FARP1: variants seen among roughly 807,000 people sequenced by gnomAD.
FARP1 encodes the protein FERM, ARH/RhoGEF and pleckstrin domain protein 1.
In FARP1, 52 loss-of-function variants were observed where a neutral mutation model predicts 128.8. The observed-to-expected ratio is 0.40, with a 90% CI of 0.32 to 0.51. The LOEUF is 0.51. Among genes scored for constraint, FARP1 ranks in the 20% least tolerant of loss-of-function variants. FARP1 has a pLI of 0.45. For synonymous variants in FARP1, 580 were observed against 551.8 expected, an observed-to-expected ratio of 1.05 and a Z score of -0.72; for missense variants, 1,333 against 1,367.9, an observed-to-expected ratio of 0.97 and a Z score of 0.40.
At chr13:98,372,085 T>TTTC (rs1555341303) in intron 5 of FARP1, among the ~76,000 whole-genome samples, 1 of 141,152 alleles carries the variant, frequency 7.1e-6, no homozygotes, top group African/African-American at 2.6e-5. Flanking sequence ...GTTTTTCTTT[T>TTTC]TTTTTTTTTT....
chr13:98,211,461 T>C (rs922809311), intron 1 of FARP1, among the ~76,000 whole-genome samples: 1 of 152,254 alleles, frequency 6.6e-6, no homozygotes, highest in Non-Finnish European at 1.5e-5. Context: ...GTGGAAAAAC[T>C]GTCTTCCACA....
At chr13:98,444,578 C>T (rs1355301159) in intron 24 of FARP1, among the ~76,000 whole-genome samples, 1 of 151,790 alleles carries the variant, frequency 6.6e-6, no homozygotes, top group Non-Finnish European at 1.5e-5. Context: ...CCAGGATGGA[C>T]CCGACACAGG....
At chr13:98,278,401 G>A (rs1034461455) in intron 2 of FARP1, among the ~76,000 whole-genome samples, 6 of 152,098 alleles carry the variant, frequency 3.9e-5, no homozygotes, top group African/African-American at 1.4e-4. Flanking sequence ...GCATATGTGT[G>A]TGAGTGTGCT....
intron 2 of FARP1, among the ~76,000 whole-genome samples, chr13:98,252,668 T>C (rs1265749015): frequency 6.6e-6 from 1 of 152,230 alleles, no homozygotes; most frequent in Non-Finnish European, 1.5e-5. Context: ...TTTAAACATT[T>C]ATTGAAGACC....
intron 13 of FARP1, chr13:98,404,004 CCACCACCACCACCAT>C (rs1420354893): frequency 6.6e-6 from 1 of 151,696 alleles, no homozygotes; most frequent in East Asian, 1.9e-4. Flanking sequence ...GCCTCCACCA[CCACCACCACCACCAT>C]CACCACCACC....
At chr13:98,211,485 G>A (rs559897497) in intron 1 of FARP1, among the ~76,000 whole-genome samples, 1 of 152,324 alleles carries the variant, frequency 6.6e-6, no homozygotes, top group African/African-American at 2.4e-5. Context: ...CAAGTCCCTG[G>A]TGCCACAAAG....
At chr13:98,314,755 C>T (rs191027196) in intron 2 of FARP1, among the ~76,000 whole-genome samples, 149 of 152,286 alleles carry the variant, frequency 9.8e-4, no homozygotes, top group African/African-American at 3.4e-3. Flanking sequence ...GCAATTAGAC[C>T]CCACGAATAA....
At chr13:98,396,704 G>T in intron 13 of FARP1, 1 of 386,688 alleles carries the variant, frequency 2.6e-6, no homozygotes. Flanking sequence ...CAGAAAAGGT[G>T]GGCAAGATAA....
chr13:98,331,924 G>A (rs2139830081), intron 2 of FARP1: 1 of 152,226 alleles, frequency 6.6e-6, no homozygotes, highest in South Asian at 2.1e-4. Context: ...TGACATCAAA[G>A]TTAGTTTTCC....
In FARP1 at chr13:98,440,659, C is replaced by G; in HGVS notation, c.2630-11C>G. On this transcript the variant is annotated splice_polypyrimidine_tract_variant and intron_variant, in intron 23 of 26. Transcript: ENST00000319562. ...AAGATCAGAAGTGCTGCCTTTTGCC[C>G]CATCCTGTAGAGTCCCCTGATGAAG... The G allele has an allele frequency of 6.2e-7, 1 of 1,601,912 alleles. No homozygotes were observed. Among genetic ancestry groups the G allele is most frequent in the Non-Finnish European group, 8.5e-7 (1 of 1,173,994 alleles).
chr13:98,158,656 A>G (rs1197285112), intron 1 of FARP1, among the ~76,000 whole-genome samples: 1 of 152,148 alleles, frequency 6.6e-6, no homozygotes, highest in Admixed American at 6.5e-5. Context: ...CTAAAGTGTG[A>G]GTTTGAGGTC....
At chr13:98,407,008 A>G (rs545363152) in intron 13 of FARP1, 2 of 152,396 alleles carry the variant, frequency 1.3e-5, no homozygotes, top group Admixed American at 6.6e-5. Flanking sequence ...GTTAGTTGCT[A>G]TTTCCTTGCC....
At chr13:98,354,748 G>A (rs1202322722) in intron 3 of FARP1, among the ~76,000 whole-genome samples, 1 of 152,084 alleles carries the variant, frequency 6.6e-6, no homozygotes, top group Non-Finnish European at 1.5e-5. Context: ...ACTGGAAATC[G>A]CACATGTGCC....
chr13:98,182,365 G>A (rs535112284), intron 1 of FARP1, among the ~76,000 whole-genome samples: 8 of 151,876 alleles, frequency 5.3e-5, no homozygotes, highest in South Asian at 4.1e-4. Flanking sequence ...TTGCCCTGTC[G>A]CCCAGGCTGG....
intron 11 of FARP1, among the ~76,000 whole-genome samples, chr13:98,391,171 C>A (rs968858500): frequency 2.6e-5 from 4 of 152,114 alleles, no homozygotes; most frequent in African/African-American, 9.7e-5. Context: ...GGGGATGAAG[C>A]ATGATAAAAA....
intron 2 of FARP1, among the ~76,000 whole-genome samples, chr13:98,278,618 T>C (rs1014380596): frequency 2.0e-4 from 30 of 152,288 alleles, no homozygotes; most frequent in African/African-American, 6.7e-4. Flanking sequence ...TAATAACCAC[T>C]ACTCATCAGT....
rs752102184 is a variant in FARP1, at chr13:98,395,291, G to C, written c.1229G>C (p.Arg410Pro). 5.0e-6 allele frequency: 8 copies of C among 1,609,386 alleles called. No homozygotes were observed. Among genetic ancestry groups the C allele is most frequent in the Non-Finnish European group, 6.8e-6 (8 of 1,176,476 alleles). ...GAATCTCCAGGGGGCCAGAGCTGCC[G>C]GCGAGGAAAGGAACCGAAGGTTTCC... ...GAESPGGQSC[R>P]RGKEPKVSAG... Residue 410 changes from arginine to proline, a missense_variant, in exon 13 of 27, where the codon CGG becomes CCG. This residue lies in a region of FARP1 where 1,009 missense variants were observed against 969.8 expected (regional missense o/e 1.04). Transcript: ENST00000319562.
intron 2 of FARP1, among the ~76,000 whole-genome samples, chr13:98,275,181 C>T (rs1466167474): frequency 1.3e-5 from 2 of 152,080 alleles, no homozygotes; most frequent in African/African-American, 4.8e-5. Flanking sequence ...AATGCCTTAA[C>T]TTAAACTCTA....
chr13:98,252,272 A>G (rs997202722), intron 2 of FARP1, among the ~76,000 whole-genome samples: 1 of 152,200 alleles, frequency 6.6e-6, no homozygotes, highest in Non-Finnish European at 1.5e-5. Flanking sequence ...GACTGTTCAG[A>G]CTTCCTGACT....
Sources: gnomAD v4.1 joint callset for allele counts (sites outside exome capture counted in the v4.1 genomes callset) on GRCh38, gnomAD v4.1.1 for gene constraint, gnomAD v4.1.1 regional missense constraint, MANE v1.5 for transcripts, NCBI Gene and HGNC (gene_info 2026-07-23, HGNC 2026-07-21) for gene names.